SLC24A3: variants seen among roughly 807,000 people sequenced by gnomAD.
SLC24A3 encodes the protein sodium/potassium/calcium exchanger 3.
Under a neutral mutation model 75.8 loss-of-function variants are expected in SLC24A3, and 28 were observed. The observed-to-expected ratio is 0.37, with a 90% CI of 0.27 to 0.51. The LOEUF (loss-of-function observed/expected upper bound fraction) is 0.51. SLC24A3 is among the 20% of genes least tolerant of loss of function. The probability of loss-of-function intolerance (pLI) is 0.94; values close to 1 mark genes in which losing one functional copy is unlikely to be tolerated. For missense variants in SLC24A3, 663 were observed against 847.8 expected (o/e 0.78, Z 2.71); for synonymous variants, 372 against 334.1 (o/e 1.11, Z -1.24).
At chr20:19,587,788 C>A (rs925508748) in intron 6 of SLC24A3, among the ~76,000 whole-genome samples, 9 of 152,148 alleles carry the variant, frequency 5.9e-5, no homozygotes, top group Non-Finnish European at 1.5e-5. Context: ...TACAAGCACA[C>A]CTACTTCCTA....
intron 3 of SLC24A3, among the ~76,000 whole-genome samples, chr20:19,553,603 A>G (rs575859036): frequency 2.2e-4 from 33 of 152,256 alleles, no homozygotes; most frequent in African/African-American, 7.7e-4. Flanking sequence ...TAACAGAATG[A>G]CTGGTGAGGT....
At chr20:19,349,924 T>C (rs1985527494) in intron 2 of SLC24A3, among the ~76,000 whole-genome samples, 1 of 152,230 alleles carries the variant, frequency 6.6e-6, no homozygotes, top group Non-Finnish European at 1.5e-5. Flanking sequence ...CATATGTTTC[T>C]AAGCTTCAGA....
chr20:19,617,833 C>T (rs1286240873), intron 6 of SLC24A3, among the ~76,000 whole-genome samples: 1 of 152,042 alleles, frequency 6.6e-6, no homozygotes, highest in African/African-American at 2.4e-5. Context: ...ATTTCCAGTC[C>T]ACGGTTCAGA....
chr20:19,230,662 G>A (rs1455322751), intron 1 of SLC24A3, among the ~76,000 whole-genome samples: 3 of 27,322 alleles, frequency 1.1e-4, no homozygotes, highest in African/African-American at 4.7e-4. Context: ...ACATATTGAT[G>A]GGGGGGGTGC....
chr20:19,653,018 G>A (rs1292176010), intron 6 of SLC24A3, among the ~76,000 whole-genome samples: 1 of 152,202 alleles, frequency 6.6e-6, no homozygotes, highest in African/African-American at 2.4e-5. Flanking sequence ...TTGGAACAAG[G>A]TGTGTGGACT....
At chr20:19,537,355 A>G (rs2030417687) in intron 3 of SLC24A3, among the ~76,000 whole-genome samples, 1 of 152,192 alleles carries the variant, frequency 6.6e-6, no homozygotes, top group Non-Finnish European at 1.5e-5. Context: ...TAGAATGGCG[A>G]TCATTCAAAA....
chr20:19,453,983 C>T (rs74481365), intron 2 of SLC24A3, among the ~76,000 whole-genome samples: 3,658 of 152,304 alleles, frequency 0.024, 135 homozygotes, highest in African/African-American at 0.082. Context: ...GCTGACAGAG[C>T]GGTTTTTCCA....
chr20:19,463,783 G>A (rs1166960301), intron 2 of SLC24A3, among the ~76,000 whole-genome samples: 2 of 152,200 alleles, frequency 1.3e-5, no homozygotes, highest in Non-Finnish European at 2.9e-5. Context: ...GAGAAAGCAG[G>A]GACAGGATGT....
intron 1 of SLC24A3, among the ~76,000 whole-genome samples, chr20:19,278,279 A>G (rs1425182893): frequency 6.6e-6 from 1 of 152,204 alleles, no homozygotes; most frequent in Non-Finnish European, 1.5e-5. Context: ...CCCCAAAGCT[A>G]TCCAGAGAGA....
chr20:19,527,253 C>T (rs2030215868), intron 3 of SLC24A3, among the ~76,000 whole-genome samples: 1 of 152,246 alleles, frequency 6.6e-6, no homozygotes, highest in Non-Finnish European at 1.5e-5. Flanking sequence ...TCCTTCCCCT[C>T]TTCCCAGAAT....
chr20:19,555,417 A>G (rs1159718939), intron 3 of SLC24A3, among the ~76,000 whole-genome samples: 1 of 152,234 alleles, frequency 6.6e-6, no homozygotes, highest in Non-Finnish European at 1.5e-5. Flanking sequence ...TACTGGATTT[A>G]TACTTCAAGA....
chr20:19,657,857 T>G (rs2032283009), intron 7 of SLC24A3, among the ~76,000 whole-genome samples: 1 of 152,188 alleles, frequency 6.6e-6, no homozygotes. Flanking sequence ...TCTTCTGATT[T>G]CCCTTAGGTA....
At chr20:19,451,131 T>C (rs1372606522) in intron 2 of SLC24A3, among the ~76,000 whole-genome samples, 3 of 152,258 alleles carry the variant, frequency 2.0e-5, no homozygotes, top group African/African-American at 7.2e-5. Flanking sequence ...GATTTATGTA[T>C]TTTTCTTGTA....
chr20:19,690,183 G>A (rs956819956), intron 12 of SLC24A3, among the ~76,000 whole-genome samples: 3 of 152,104 alleles, frequency 2.0e-5, no homozygotes, highest in Non-Finnish European at 4.4e-5. Context: ...TTCAGATAAT[G>A]CTCATTGAAT....
intron 3 of SLC24A3, among the ~76,000 whole-genome samples, chr20:19,568,256 A>G (rs2030993298): frequency 6.6e-6 from 1 of 152,230 alleles, no homozygotes; most frequent in South Asian, 2.1e-4. Context: ...AAACAGAATT[A>G]CATGTGAACC....
At chr20:19,686,388 A>G (rs1339910159) in intron 12 of SLC24A3, among the ~76,000 whole-genome samples, 2 of 151,984 alleles carry the variant, frequency 1.3e-5, no homozygotes, top group East Asian at 1.9e-4. Flanking sequence ...GTTTCACCCC[A>G]CCCCACCCAT....
intron 2 of SLC24A3, among the ~76,000 whole-genome samples, chr20:19,512,704 G>A (rs1381461573): frequency 6.6e-6 from 1 of 152,244 alleles, no homozygotes; most frequent in African/African-American, 2.4e-5. Context: ...AGAGAATAGA[G>A]CTGGGCTGGG....
intron 2 of SLC24A3, among the ~76,000 whole-genome samples, chr20:19,400,127 T>G (rs186575283): frequency 6.6e-6 from 1 of 152,346 alleles, no homozygotes. Flanking sequence ...TAGCTTTGAT[T>G]GATTGATTTA....
intron 9 of SLC24A3, among the ~76,000 whole-genome samples, chr20:19,678,620 GC>G (rs2032562756): frequency 7.3e-6 from 1 of 137,016 alleles, no homozygotes; most frequent in Admixed American, 7.2e-5. Context: ...CCCGGACGGG[GC>G]GGCTGGCCCC....
Sources: gnomAD v4.1 joint callset for allele counts (sites outside exome capture counted in the v4.1 genomes callset) on GRCh38, gnomAD v4.1.1 for gene constraint, MANE v1.5 for transcripts, NCBI Gene and HGNC (gene_info 2026-07-23, HGNC 2026-07-21) for gene names.